The following PTPRZ1 variants were observed in gnomAD, a reference collection of about 807,000 sequenced individuals.
The protein encoded by PTPRZ1 is receptor-type tyrosine-protein phosphatase zeta.
PTPRZ1 carries 82 observed loss-of-function variants against 214.1 expected under a neutral mutation model. The ratio of observed to expected loss-of-function variants is 0.38; its 90% confidence interval spans 0.32 to 0.46. The LOEUF is 0.46. PTPRZ1 is among the 20% of genes least tolerant of loss of function. The probability of loss-of-function intolerance (pLI) is 1.00; values close to 1 mark genes in which losing one functional copy is unlikely to be tolerated. For synonymous variants in PTPRZ1, 945 were observed against 987.9 expected, an observed-to-expected ratio of 0.96 and a Z score of 0.81; for missense variants, 2,603 against 2,748.7, an observed-to-expected ratio of 0.95 and a Z score of 1.19.
In PTPRZ1 at chr7:122,058,919, T is replaced by C; in HGVS notation, c.6648T>C (p.Asp2216=). The part of the protein sequence containing the change: ...SVIKEEAANR[D]GPMIVHDEHG... ...TAAAAGAAGAAGCTGCCAATAGGGA[T>C]GGGCCTATGATTGTTCATGATGAGT... Residue 2216 remains aspartate (D), a synonymous_variant, in exon 28 of 30, where the codon GAT becomes GAC. Transcript: ENST00000393386. 6.3e-7 allele frequency: 1 copy of C among 1,591,066 alleles called. No individual in the cohort carries two copies. Among genetic ancestry groups the C allele is most frequent in the Admixed American group, 1.7e-5 (1 of 59,946 alleles).
intron 8 of PTPRZ1, among the ~76,000 whole-genome samples, chr7:121,988,592 C>A (rs73217013): frequency 0.014 from 2,094 of 152,226 alleles, 20 homozygotes; most frequent in Non-Finnish European, 0.022. Context: ...GCCTTAGTTT[C>A]TTAGTAGATC....
chr7:122,051,774 G>A, intron 24 of PTPRZ1, 92 bp from the exon 25 acceptor site: 1 of 1,174,054 alleles, frequency 8.5e-7, no homozygotes, highest in Non-Finnish European at 1.2e-6. Flanking sequence ...TTTACATCTG[G>A]CATGGGGAAA....
At chr7:121,962,685 C>T (rs573251648) in intron 2 of PTPRZ1, among the ~76,000 whole-genome samples, 73 of 151,536 alleles carry the variant, frequency 4.8e-4, no homozygotes, top group African/African-American at 1.5e-3. Context: ...CTGTCTCAGC[C>T]TCCTGAGTAG....
At chr7:121,929,271 G>A (rs1004084859) in intron 2 of PTPRZ1, among the ~76,000 whole-genome samples, 5 of 151,868 alleles carry the variant, frequency 3.3e-5, no homozygotes, top group African/African-American at 1.2e-4. Context: ...ATAGAGTTAT[G>A]CATGCAGTTT....
intron 1 of PTPRZ1, among the ~76,000 whole-genome samples, chr7:121,926,989 C>T (rs1456436271): frequency 6.6e-6 from 1 of 152,160 alleles, no homozygotes; most frequent in Non-Finnish European, 1.5e-5. Context: ...GATAGCTGGC[C>T]TGCCTTTTAG....
In PTPRZ1 at chr7:121,994,289, C is replaced by CTTTTTTTTTT. The variant is rs35332072; in HGVS notation, c.929-2079_929-2070dup. Among the ~76,000 whole-genome samples the CTTTTTTTTTT allele has an allele frequency of 1.9e-3, 140 of 75,348 alleles. 14 individuals are homozygous for CTTTTTTTTTT. The highest frequency in any genetic ancestry group is 5.7e-3 in the East Asian group (12 of 2,102). The allele number at this position is 75,348 out of a possible 152,430, so 49.4% of individuals were successfully genotyped here. A position where few individuals can be genotyped will look rare whatever the true frequency, so the allele number is the denominator to read the frequency against. ...ATGTATGCATAAAATTAATGCATTT[C>CTTTTTTTTTT]TTTTTTTTTTTTTTTTTTTTTTTGA... is the stretch of plus-strand genomic sequence containing the variant. On this transcript the variant is annotated intron_variant, in intron 8 of 29. Transcript: ENST00000393386.
At chr7:121,990,512 CTTT>C (rs758696565) in intron 8 of PTPRZ1, among the ~76,000 whole-genome samples, 130 of 73,446 alleles carry the variant, frequency 1.8e-3, no homozygotes, top group Non-Finnish European at 2.4e-3. Flanking sequence ...TGAAAACTGT[CTTT>C]TTTTTTTTTT....
chr7:121,994,334 G>T (rs1434124151), intron 8 of PTPRZ1, among the ~76,000 whole-genome samples: 3 of 95,556 alleles, frequency 3.1e-5, no homozygotes, highest in African/African-American at 1.3e-4. Context: ...TTGCTCTGTT[G>T]CCCCGGCTGG....
chr7:121,925,092 G>C (rs1795715879), intron 1 of PTPRZ1, among the ~76,000 whole-genome samples: 4 of 152,184 alleles, frequency 2.6e-5, no homozygotes, highest in Middle Eastern at 3.2e-3. Flanking sequence ...GTGGAAGGCA[G>C]GGACCCCGCA....
At chr7:121,906,076 G>A (rs1795107444) in intron 1 of PTPRZ1, among the ~76,000 whole-genome samples, 1 of 152,148 alleles carries the variant, frequency 6.6e-6, no homozygotes, top group Admixed American at 6.6e-5. Context: ...TAATGTTTCA[G>A]TGGTACTTTT....
intron 2 of PTPRZ1, among the ~76,000 whole-genome samples, chr7:121,945,655 G>T (rs376907521): frequency 8.5e-5 from 13 of 152,106 alleles, no homozygotes; most frequent in African/African-American, 3.1e-4. Flanking sequence ...GCTCATCCCA[G>T]TTCTCACAGA....
intron 2 of PTPRZ1, among the ~76,000 whole-genome samples, chr7:121,956,154 G>T (rs142493185): frequency 1.3e-5 from 2 of 151,780 alleles, no homozygotes; most frequent in African/African-American, 4.8e-5. Flanking sequence ...GCAACTACCC[G>T]TCCTCTCTGC....
intron 2 of PTPRZ1, among the ~76,000 whole-genome samples, chr7:121,931,550 T>C (rs547278845): frequency 6.6e-6 from 1 of 152,234 alleles, no homozygotes; most frequent in South Asian, 2.1e-4. Flanking sequence ...TGTTGACTAA[T>C]GGAGTGATGG....
At chr7:122,041,042 A>T (rs1269323215) in intron 21 of PTPRZ1, 63 bp downstream of exon 21, 2 of 1,346,808 alleles carry the variant, frequency 1.5e-6, no homozygotes, top group Non-Finnish European at 1.9e-6. Flanking sequence ...AAGGAAATCA[A>T]TGGAACAAAG....
chr7:121,917,059 G>A (rs1023431424), intron 1 of PTPRZ1, among the ~76,000 whole-genome samples: 1 of 152,220 alleles, frequency 6.6e-6, no homozygotes, highest in African/African-American at 2.4e-5. Flanking sequence ...CCGTACTTAA[G>A]CTGTACTAAT....
At chr7:122,039,001 A>T (rs1359254507) in intron 19 of PTPRZ1, 112 bp downstream of exon 19, 2 of 1,168,780 alleles carry the variant, frequency 1.7e-6, no homozygotes, top group African/African-American at 3.1e-5. Context: ...GTTATTTGGG[A>T]TTCTTTTTTA....
chr7:121,914,481 C>T (rs1027423106), intron 1 of PTPRZ1, among the ~76,000 whole-genome samples: 23 of 152,068 alleles, frequency 1.5e-4, no homozygotes, highest in Non-Finnish European at 2.1e-4. Context: ...GAATGAAAGG[C>T]GTCCGAGTGT....
intron 8 of PTPRZ1, 80 bp from the exon 9 acceptor site, chr7:121,996,302 A>C (rs1798131426): frequency 9.5e-7 from 1 of 1,051,672 alleles, no homozygotes; most frequent in Non-Finnish European, 1.3e-6. Context: ...AACACAATAA[A>C]ATTTTTATAG....
At chr7:121,975,912 A>G (rs998881026) in intron 4 of PTPRZ1, among the ~76,000 whole-genome samples, 2 of 152,208 alleles carry the variant, frequency 1.3e-5, no homozygotes, top group Non-Finnish European at 2.9e-5. Flanking sequence ...CAGTTAAAGT[A>G]ATATATGATT....
Sources: allele counts gnomAD v4.1 joint callset (sites outside exome capture counted in the v4.1 genomes callset), GRCh38; gene constraint gnomAD v4.1.1; transcripts MANE v1.5; gene names NCBI Gene and HGNC (gene_info 2026-07-23, HGNC 2026-07-21).